The following CSMD3 variants were observed in gnomAD, a reference collection of about 807,000 sequenced individuals.
CSMD3 encodes the protein CUB and sushi domain-containing protein 3.
In CSMD3, 177 loss-of-function variants were observed where a neutral mutation model predicts 435.2. The observed-to-expected ratio is 0.41, with a 90% CI of 0.36 to 0.46. The LOEUF is 0.46. Ranked by LOEUF, CSMD3 falls within the 20% of genes least tolerant of loss-of-function variation. CSMD3 has a pLI of 0.34. For missense variants in CSMD3, 4,265 were observed against 4,504.6 expected, an observed-to-expected ratio of 0.95 and a Z score of 1.52; for synonymous variants, 1,656 against 1,520.5, an observed-to-expected ratio of 1.09 and a Z score of -2.07.
intron 11 of CSMD3, among the ~76,000 whole-genome samples, chr8:112,845,721 TGAA>T (rs200130553): frequency 0.021 from 3,212 of 152,012 alleles, 54 homozygotes; most frequent in Middle Eastern, 0.048. Flanking sequence ...AAAAATGAGA[TGAA>T]GATTTGCTAA....
At chr8:113,238,138 G>T (rs1452938214) in intron 3 of CSMD3, among the ~76,000 whole-genome samples, 1 of 150,672 alleles carries the variant, frequency 6.6e-6, no homozygotes, top group Non-Finnish European at 1.5e-5. Flanking sequence ...TCTGAATTAT[G>T]CCTACTCAGT....
intron 1 of CSMD3, among the ~76,000 whole-genome samples, chr8:113,339,802 G>C (rs1315763770): frequency 6.6e-6 from 1 of 151,898 alleles, no homozygotes; most frequent in Non-Finnish European, 1.5e-5. Flanking sequence ...TAGGTGAATA[G>C]AATTAAAATT....
chr8:113,359,407 A>G (rs2132973312), intron 1 of CSMD3, among the ~76,000 whole-genome samples: 1 of 152,304 alleles, frequency 6.6e-6, no homozygotes, highest in East Asian at 1.9e-4. Flanking sequence ...AATTAAGTAA[A>G]CTTTTCCCTA....
chr8:113,139,014 G>C (rs1369133682), intron 4 of CSMD3, among the ~76,000 whole-genome samples: 3 of 150,678 alleles, frequency 2.0e-5, no homozygotes, highest in African/African-American at 7.3e-5. Flanking sequence ...AGATTTTTGA[G>C]AAATCCTTTA....
intron 32 of CSMD3, among the ~76,000 whole-genome samples, chr8:112,432,363 G>A (rs1462553714): frequency 6.6e-6 from 1 of 152,022 alleles, no homozygotes; most frequent in Non-Finnish European, 1.5e-5. Context: ...GAGTGCAGTG[G>A]TGCCATCATA....
Position 112,341,474 on chromosome 8 carries a change from T to C in CSMD3, c.6652+3A>G. ...AATTTTCATTTTTTATTATTTCTCT[T>C]ACCTTGGTATACAATATGAAACCCT... On this transcript the variant is annotated splice_donor_region_variant and intron_variant, in intron 42 of 70. Coordinates refer to ENST00000297405, the MANE Select transcript of CSMD3 (RefSeq NM_198123.2). 4 of 1,573,496 alleles carry C rather than the reference T, an allele frequency of 2.5e-6. No homozygotes were observed. The highest frequency in any genetic ancestry group is 1.3e-5 in the African/African-American group (1 of 74,166).
At chr8:112,549,348 T>C (rs904317085) in intron 27 of CSMD3, among the ~76,000 whole-genome samples, 1 of 152,032 alleles carries the variant, frequency 6.6e-6, no homozygotes, top group Non-Finnish European at 1.5e-5. Flanking sequence ...TATTATATGA[T>C]TATTTTCTTA....
chr8:112,287,971 C>T (rs972151584), intron 57 of CSMD3, among the ~76,000 whole-genome samples: 2 of 151,354 alleles, frequency 1.3e-5, no homozygotes, highest in African/African-American at 2.4e-5. Context: ...TTAAATAATC[C>T]TAATCAAAAT....
chr8:112,609,940 G>C (rs1283652819), intron 22 of CSMD3, among the ~76,000 whole-genome samples: 1 of 152,060 alleles, frequency 6.6e-6, no homozygotes, highest in African/African-American at 2.4e-5. Context: ...AATGCTCCAT[G>C]ATCTCATGTA....
chr8:113,160,226 T>G (rs557530217), intron 4 of CSMD3, among the ~76,000 whole-genome samples: 1 of 152,058 alleles, frequency 6.6e-6, no homozygotes, highest in Admixed American at 6.6e-5. Context: ...AAGTCATAAT[T>G]CATATTATAA....
At chr8:112,981,652 C>T (rs2085057816) in intron 6 of CSMD3, among the ~76,000 whole-genome samples, 1 of 151,494 alleles carries the variant, frequency 6.6e-6, no homozygotes, top group Non-Finnish European at 1.5e-5. Context: ...AGTGGTACAT[C>T]TACTAAAATC....
chr8:113,417,164 C>A (rs1359418693), intron 1 of CSMD3, among the ~76,000 whole-genome samples: 3 of 151,906 alleles, frequency 2.0e-5, no homozygotes, highest in Non-Finnish European at 2.9e-5. Flanking sequence ...TATAACTAGT[C>A]CTCCAAAAGA....
chr8:113,376,853 C>T, intron 1 of CSMD3: 1 of 1,612,438 alleles, frequency 6.2e-7, no homozygotes, highest in South Asian at 1.1e-5. Context: ...CCACCTCTGC[C>T]CCTTTCCCGG....
At chr8:112,727,664 G>A (rs2076994350) in intron 13 of CSMD3, among the ~76,000 whole-genome samples, 2 of 151,768 alleles carry the variant, frequency 1.3e-5, no homozygotes, top group South Asian at 4.1e-4. Flanking sequence ...ATTTTTATAT[G>A]AAAGTCATTG....
chr8:112,932,938 T>C (rs546515551), intron 9 of CSMD3, among the ~76,000 whole-genome samples: 1 of 152,180 alleles, frequency 6.6e-6, no homozygotes, highest in Non-Finnish European at 1.5e-5. Context: ...TATCAAAATA[T>C]CATGTGTTCC....
intron 1 of CSMD3, among the ~76,000 whole-genome samples, chr8:113,409,859 C>T (rs932946245): frequency 9.4e-5 from 14 of 148,554 alleles, no homozygotes; most frequent in African/African-American, 3.0e-4. Context: ...CATTCATATA[C>T]TCCATTAAAG....
intron 7 of CSMD3, among the ~76,000 whole-genome samples, chr8:112,961,701 T>G (rs779156845): frequency 3.3e-5 from 5 of 151,894 alleles, no homozygotes; most frequent in Non-Finnish European, 5.9e-5. Flanking sequence ...TGATTTTTAT[T>G]TAGGAGACCG....
intron 16 of CSMD3, among the ~76,000 whole-genome samples, chr8:112,678,362 A>G (rs971549667): frequency 2.0e-5 from 3 of 152,190 alleles, no homozygotes; most frequent in African/African-American, 4.8e-5. Flanking sequence ...TAAAAGCAAG[A>G]CATCCACTAG....
intron 6 of CSMD3, among the ~76,000 whole-genome samples, chr8:112,980,145 AT>A (rs2084997057): frequency 6.6e-6 from 1 of 150,630 alleles, no homozygotes. Flanking sequence ...TCATGATAGA[AT>A]TTGAACTTCA....
Sources: allele counts gnomAD v4.1 joint callset (sites outside exome capture counted in the v4.1 genomes callset), GRCh38; gene constraint gnomAD v4.1.1; transcripts MANE v1.5; gene names NCBI Gene and HGNC (gene_info 2026-07-23, HGNC 2026-07-21).